IMMP2L: variants seen among roughly 807,000 people sequenced by gnomAD.
IMMP2L encodes the protein mitochondrial inner membrane protease subunit 2.
IMMP2L carries 18 observed loss-of-function variants against 19.3 expected under a neutral mutation model. That is an observed-to-expected ratio of 0.93 (90% CI 0.64 to 1.38). The LOEUF (loss-of-function observed/expected upper bound fraction) is 1.38. Among genes scored for constraint, IMMP2L ranks in the 40% most tolerant of loss-of-function variants. IMMP2L has a pLI of 0.00. For missense variants in IMMP2L, 233 were observed against 218.2 expected (o/e 1.07, Z -0.43); for synonymous variants, 76 against 73.0 (o/e 1.04, Z -0.21).
intron 3 of IMMP2L, among the ~76,000 whole-genome samples, chr7:111,181,457 T>C (rs985852251): frequency 2.0e-5 from 3 of 152,050 alleles, no homozygotes; most frequent in Admixed American, 1.3e-4. Context: ...TTCTAAATAA[T>C]GTCAGATGAA....
At chr7:111,101,613 T>C (rs1586269589) in intron 3 of IMMP2L, among the ~76,000 whole-genome samples, 1 of 151,384 alleles carries the variant, frequency 6.6e-6, no homozygotes, top group Admixed American at 6.6e-5. Flanking sequence ...ACAGGTACAA[T>C]AGGTATACTG....
intron 5 of IMMP2L, among the ~76,000 whole-genome samples, chr7:110,861,871 G>A (rs1807463998): frequency 6.6e-6 from 1 of 151,984 alleles, no homozygotes; most frequent in African/African-American, 2.4e-5. Context: ...CCAAATATGT[G>A]TCTATTATAA....
chr7:111,294,276 G>T (rs1821403267), intron 3 of IMMP2L, among the ~76,000 whole-genome samples: 1 of 151,812 alleles, frequency 6.6e-6, no homozygotes, highest in Non-Finnish European at 1.5e-5. Flanking sequence ...TTTACTTTGA[G>T]TTAAACAGAT....
chr7:110,980,016 T>G (rs532007130), intron 3 of IMMP2L, among the ~76,000 whole-genome samples: 28 of 152,258 alleles, frequency 1.8e-4, no homozygotes, highest in Admixed American at 7.2e-4. Context: ...AGTGCTATCA[T>G]ATTTTTATAA....
chr7:110,882,826 T>C (rs575700916), intron 5 of IMMP2L, among the ~76,000 whole-genome samples: 2 of 151,958 alleles, frequency 1.3e-5, no homozygotes, highest in Non-Finnish European at 2.9e-5. Context: ...AAAACAGGTA[T>C]GACTAGATAC....
At chr7:111,121,264 T>A (rs1193701090) in intron 3 of IMMP2L, among the ~76,000 whole-genome samples, 2 of 152,210 alleles carry the variant, frequency 1.3e-5, no homozygotes, top group African/African-American at 2.4e-5. Context: ...TAGCTGTCTG[T>A]CAGATGAGTA....
At chr7:110,874,812 C>T (rs1808902143) in intron 5 of IMMP2L, among the ~76,000 whole-genome samples, 2 of 151,980 alleles carry the variant, frequency 1.3e-5, no homozygotes, top group African/African-American at 2.4e-5. Flanking sequence ...TATTGACTCA[C>T]AGCTTTAGAG....
intron 3 of IMMP2L, among the ~76,000 whole-genome samples, chr7:111,035,958 C>G (rs936924614): frequency 6.6e-6 from 1 of 152,076 alleles, no homozygotes; most frequent in Admixed American, 6.6e-5. Flanking sequence ...CAGTACTTAC[C>G]TCACAAAGTT....
chr7:110,734,059 A>G (rs1796454655), intron 5 of IMMP2L, among the ~76,000 whole-genome samples: 1 of 152,224 alleles, frequency 6.6e-6, no homozygotes, highest in African/African-American at 2.4e-5. Context: ...GTGCTGCTGC[A>G]GCAAATACCT....
chr7:111,504,085 C>T (rs1585401103), intron 2 of IMMP2L, among the ~76,000 whole-genome samples: 1 of 152,006 alleles, frequency 6.6e-6, no homozygotes, highest in African/African-American at 2.4e-5. Context: ...TTGTCTCAGC[C>T]CAAAATCTCC....
chr7:111,139,611 C>T (rs1250310089), intron 3 of IMMP2L, among the ~76,000 whole-genome samples: 1 of 151,964 alleles, frequency 6.6e-6, no homozygotes, highest in African/African-American at 2.4e-5. Flanking sequence ...TTAGCCTAAC[C>T]CTGATATGCA....
At chr7:110,950,957 G>A (rs1413325055) in intron 4 of IMMP2L, among the ~76,000 whole-genome samples, 1 of 148,060 alleles carries the variant, frequency 6.8e-6, no homozygotes, top group Non-Finnish European at 1.5e-5. Flanking sequence ...TTAGTAAAAG[G>A]GAATCCTGTC....
chr7:111,437,350 C>G (rs1173479484), intron 3 of IMMP2L, among the ~76,000 whole-genome samples: 2 of 151,722 alleles, frequency 1.3e-5, no homozygotes, highest in Non-Finnish European at 2.9e-5. Context: ...GAGGCTGAGG[C>G]AAGAGAATCG....
intron 5 of IMMP2L, among the ~76,000 whole-genome samples, chr7:110,816,038 G>A (rs1009581186): frequency 1.3e-5 from 2 of 151,988 alleles, no homozygotes; most frequent in Non-Finnish European, 2.9e-5. Context: ...TGCTTTTCCA[G>A]TTCTTTTAAC....
chr7:111,360,674 C>A (rs574285335), intron 3 of IMMP2L, among the ~76,000 whole-genome samples: 1 of 151,932 alleles, frequency 6.6e-6, no homozygotes, highest in African/African-American at 2.4e-5. Flanking sequence ...AAAAATTAGT[C>A]AAGCATGGTG....
intron 3 of IMMP2L, among the ~76,000 whole-genome samples, chr7:111,234,048 A>C (rs1357682800): frequency 6.6e-6 from 1 of 152,068 alleles, no homozygotes; most frequent in Non-Finnish European, 1.5e-5. Flanking sequence ...GGTCATTATA[A>C]TACAAATGGT....
intron 3 of IMMP2L, chr7:111,125,334 A>C (rs1801181848): frequency 5.9e-6 from 1 of 169,866 alleles, no homozygotes; most frequent in African/African-American, 2.4e-5. Context: ...AAAATGGACA[A>C]ATTCTGTAGA....
chr7:111,152,157 G>A (rs1586590425), intron 3 of IMMP2L, among the ~76,000 whole-genome samples: 1 of 151,874 alleles, frequency 6.6e-6, no homozygotes, highest in African/African-American at 2.4e-5. Context: ...ATGCATACAT[G>A]GTATTTTACT....
intron 3 of IMMP2L, among the ~76,000 whole-genome samples, chr7:111,452,700 C>T (rs1289519722): frequency 4.6e-5 from 7 of 152,018 alleles, no homozygotes; most frequent in African/African-American, 1.4e-4. Flanking sequence ...TCTCTGAAGT[C>T]GCAAGGTAGA....
Sources: gnomAD v4.1 joint callset for allele counts (sites outside exome capture counted in the v4.1 genomes callset) on GRCh38, gnomAD v4.1.1 for gene constraint, MANE v1.5 for transcripts, NCBI Gene and HGNC (gene_info 2026-07-23, HGNC 2026-07-21) for gene names.